ARSG: variants seen among roughly 807,000 people sequenced by gnomAD.
ARSG encodes the protein ASG.
ARSG carries 37 observed loss-of-function variants against 50.5 expected under a neutral mutation model. That is an observed-to-expected ratio of 0.73 (90% confidence interval 0.56 to 0.96). ARSG has a LOEUF of 0.96. ARSG is among the 50% of genes least tolerant of loss of function. ARSG has a pLI of 0.00. For synonymous variants in ARSG, 225 were observed against 254.6 expected, an observed-to-expected ratio of 0.88 and a Z score of 1.11; for missense variants, 629 against 675.3, an observed-to-expected ratio of 0.93 and a Z score of 0.76.
chr17:68,449,863 T>A, the ARSG span, among the ~76,000 whole-genome samples: 2 of 152,310 alleles, frequency 1.3e-5, no homozygotes, highest in Admixed American at 6.5e-5. Context: ...ACAGAAAAAT[T>A]AGCTGGGCGT....
chr17:68,302,658 A>T (rs2076461946), intron 1 of ARSG, among the ~76,000 whole-genome samples: 1 of 152,208 alleles, frequency 6.6e-6, no homozygotes, highest in South Asian at 2.1e-4. Flanking sequence ...AGGGAGGTCA[A>T]ACTTGAGCAC....
Position 68,271,023 on chromosome 17 carries a change from A to T in ARSG, c.-552+11597A>T. On this transcript the variant is annotated intron_variant, in intron 1 of 11. Transcript: ENST00000448504. The surrounding 1 kb of genome is among the most constrained non-coding windows in gnomAD (Gnocchi z 5.3). ...ATGACATTAGACCCCAGAATTCAGT[A>T]GCAAAAGTAAAGGCAAACAGAGACA... 2 of 1,614,218 alleles carry T rather than the reference A, an allele frequency of 1.2e-6. No individual in the cohort carries two copies. Among genetic ancestry groups the T allele is most frequent in the Non-Finnish European group, 1.7e-6 (2 of 1,180,048 alleles).
chr17:68,389,228 A>C (rs1166066329), intron 9 of ARSG, among the ~76,000 whole-genome samples: 1 of 151,790 alleles, frequency 6.6e-6, no homozygotes, highest in Non-Finnish European at 1.5e-5. Flanking sequence ...AGGTGGTCTC[A>C]CCCCCACCCC....
At chr17:68,368,225 C>A (rs1180006949) in intron 6 of ARSG, among the ~76,000 whole-genome samples, 1 of 152,182 alleles carries the variant, frequency 6.6e-6, no homozygotes, top group East Asian at 1.9e-4. Flanking sequence ...ATATCCTGGG[C>A]AAGTCCTTTA....
At chr17:68,396,597 G>A (rs1321977075) in intron 10 of ARSG, among the ~76,000 whole-genome samples, 1 of 152,178 alleles carries the variant, frequency 6.6e-6, no homozygotes, top group East Asian at 1.9e-4. Flanking sequence ...ACACATCAAA[G>A]GGTCTATTTG....
intron 1 of ARSG, among the ~76,000 whole-genome samples, chr17:68,295,032 C>T (rs1450620027): frequency 6.6e-6 from 1 of 152,166 alleles, no homozygotes; most frequent in Non-Finnish European, 1.5e-5. Flanking sequence ...TGAATTAACA[C>T]GTGCAAGGGG....
At chr17:68,436,184 C>T in the ARSG span, among the ~76,000 whole-genome samples, 3 of 152,214 alleles carry the variant, frequency 2.0e-5, no homozygotes, top group Non-Finnish European at 2.9e-5. Flanking sequence ...CTAACTTGGC[C>T]TGGCCAGCTG....
chr17:68,335,872 C>A (rs2077995575), intron 2 of ARSG, among the ~76,000 whole-genome samples: 1 of 152,086 alleles, frequency 6.6e-6, no homozygotes, highest in African/African-American at 2.4e-5. Flanking sequence ...CAGATAAGCC[C>A]AGAGAAGCAA....
At chr17:68,327,726 G>C (rs1018243441) in intron 2 of ARSG, among the ~76,000 whole-genome samples, 3 of 152,092 alleles carry the variant, frequency 2.0e-5, no homozygotes, top group Non-Finnish European at 4.4e-5. Context: ...ATATCTTTTG[G>C]GGGGACGCAG....
At chr17:68,430,520 C>A in the ARSG span, among the ~76,000 whole-genome samples, 1 of 152,254 alleles carries the variant, frequency 6.6e-6, no homozygotes, top group East Asian at 1.9e-4. Flanking sequence ...ATTAAATAAG[C>A]TTGGGACTGT....
At chr17:68,401,124 A>C in intron 10 of ARSG, 1 of 502,638 alleles carries the variant, frequency 2.0e-6, no homozygotes, top group Non-Finnish European at 3.6e-6. Context: ...CCCAGGCTCA[A>C]ACAATCCTCT....
chr17:68,451,947 T>C, the ARSG span, among the ~76,000 whole-genome samples: 1 of 152,140 alleles, frequency 6.6e-6, no homozygotes, highest in Non-Finnish European at 1.5e-5. Context: ...GGGACAGACA[T>C]AGAGCAAAAA....
intron 2 of ARSG, among the ~76,000 whole-genome samples, chr17:68,337,695 G>A (rs777328854): frequency 3.3e-5 from 5 of 152,046 alleles, no homozygotes; most frequent in East Asian, 1.9e-4. Context: ...TCAGCTCACC[G>A]CGACCTCTGT....
At chr17:68,372,779 A>T (rs16972913) in intron 8 of ARSG, among the ~76,000 whole-genome samples, 11,056 of 151,594 alleles carry the variant, frequency 0.073, 812 homozygotes, top group African/African-American at 0.18. Flanking sequence ...GGTCTCCACT[A>T]GCACTCCCGT....
At chr17:68,436,462 TAG>T in the ARSG span, 28 of 1,613,738 alleles carry the variant, frequency 1.7e-5, no homozygotes, top group Non-Finnish European at 2.3e-5. Flanking sequence ...GAATGGTTGA[TAG>T]AGAGAGCACA....
At chr17:68,325,162 T>C (rs2077452868) in intron 2 of ARSG, among the ~76,000 whole-genome samples, 1 of 152,154 alleles carries the variant, frequency 6.6e-6, no homozygotes, top group Non-Finnish European at 1.5e-5. Context: ...CCACTCCTCA[T>C]CGCTTGCATT....
exon 1 of ARSG, chr17:68,259,312 C>T (rs2075037837): frequency 1.3e-5 from 2 of 152,226 alleles, no homozygotes; most frequent in African/African-American, 4.8e-5. Context: ...GCGTCAGCGA[C>T]CCAGGGTAAC....
intron 8 of ARSG, among the ~76,000 whole-genome samples, chr17:68,383,560 C>CT (rs1278650819): frequency 6.6e-6 from 1 of 152,256 alleles, no homozygotes; most frequent in Non-Finnish European, 1.5e-5. Context: ...CACAAAGATG[C>CT]CCCCACGGGG....
At chr17:68,316,215 T>C (rs2077065841) in intron 2 of ARSG, among the ~76,000 whole-genome samples, 1 of 152,236 alleles carries the variant, frequency 6.6e-6, no homozygotes, top group Non-Finnish European at 1.5e-5. Flanking sequence ...CTCATCCTTC[T>C]GGCCTCCACT....
Sources: allele counts gnomAD v4.1 joint callset (sites outside exome capture counted in the v4.1 genomes callset), GRCh38; gene constraint gnomAD v4.1.1; non-coding constraint Gnocchi (gnomAD v3.1); transcripts MANE v1.5; gene names NCBI Gene and HGNC (gene_info 2026-07-23, HGNC 2026-07-21).